SOX5: variants seen among roughly 807,000 people sequenced by gnomAD.
The protein encoded by SOX5 is transcription factor SOX-5.
SOX5 carries 9 observed loss-of-function variants against 92.0 expected under a neutral mutation model. The observed-to-expected ratio is 0.10, with a 90% CI of 0.06 to 0.17. The LOEUF is 0.17. Among genes scored for constraint, SOX5 ranks in the 10% least tolerant of loss-of-function variants. The probability of loss-of-function intolerance (pLI) is 1.00; values close to 1 mark genes in which losing one functional copy is unlikely to be tolerated. For synonymous variants in SOX5, 344 were observed against 336.3 expected (o/e 1.02, Z -0.25); for missense variants, 642 against 944.5 (o/e 0.68, Z 4.20).
At chr12:23,997,260 C>T (rs562074200) in intron 4 of SOX5, among the ~76,000 whole-genome samples, 26 of 152,276 alleles carry the variant, frequency 1.7e-4, no homozygotes, top group Non-Finnish European at 3.5e-4. Flanking sequence ...TTCTACCAGA[C>T]ATGGCAAACT....
chr12:23,704,715 T>TATATATATATATATAC (rs1434949526), intron 6 of SOX5, among the ~76,000 whole-genome samples: 19 of 108,370 alleles, frequency 1.8e-4, no homozygotes, highest in African/African-American at 5.2e-4. Context: ...TATATATATA[T>TATATATATATATATAC]ACACACACAC....
chr12:24,391,672 G>T (rs1050373810), intron 1 of SOX5, among the ~76,000 whole-genome samples: 1 of 152,044 alleles, frequency 6.6e-6, no homozygotes, highest in Non-Finnish European at 1.5e-5. Flanking sequence ...TAACAGGATG[G>T]CTCTATTAAA....
intron 6 of SOX5, among the ~76,000 whole-genome samples, chr12:23,682,172 C>G (rs1345225999): frequency 6.6e-6 from 1 of 151,728 alleles, no homozygotes; most frequent in East Asian, 1.9e-4. Context: ...AAATTGTTCA[C>G]ACACTAAGCC....
intron 4 of SOX5, among the ~76,000 whole-genome samples, chr12:24,043,193 C>G (rs1956679823): frequency 6.6e-6 from 1 of 152,116 alleles, no homozygotes; most frequent in South Asian, 2.1e-4. Flanking sequence ...TTAAAGGAAA[C>G]ATCCTGGGTT....
chr12:23,622,843 C>G (rs1364213862), intron 8 of SOX5, among the ~76,000 whole-genome samples: 2 of 151,988 alleles, frequency 1.3e-5, no homozygotes, highest in South Asian at 4.1e-4. Flanking sequence ...GTCAGAAAAT[C>G]AGAAACGAAA....
At chr12:23,733,879 T>C (rs778919323) in intron 6 of SOX5, among the ~76,000 whole-genome samples, 1 of 152,170 alleles carries the variant, frequency 6.6e-6, no homozygotes, top group Non-Finnish European at 1.5e-5. Context: ...CATAGCTCCA[T>C]GAATTAGGTT....
At chr12:24,064,499 A>G (rs1270396194) in intron 4 of SOX5, among the ~76,000 whole-genome samples, 1 of 152,352 alleles carries the variant, frequency 6.6e-6, no homozygotes. Context: ...GTTTTCAAAT[A>G]TATGAAATAT....
chr12:24,481,522 C>T (rs1025078519), intron 1 of SOX5, among the ~76,000 whole-genome samples: 8 of 152,096 alleles, frequency 5.3e-5, no homozygotes, highest in African/African-American at 1.9e-4. Flanking sequence ...ATCGAAACAT[C>T]TCATGTACCC....
At chr12:23,786,545 A>C (rs1441958509) in intron 3 of SOX5, among the ~76,000 whole-genome samples, 4 of 2,812 alleles carry the variant, frequency 1.4e-3, no homozygotes, top group Non-Finnish European at 2.5e-3. Context: ...CTCCATCTCA[A>C]AAAAAAAAAA....
intron 3 of SOX5, among the ~76,000 whole-genome samples, chr12:24,213,885 G>A (rs1282342556): frequency 6.6e-6 from 1 of 152,022 alleles, no homozygotes; most frequent in Non-Finnish European, 1.5e-5. Flanking sequence ...ATAGCCTGAA[G>A]TGATCCTAAG....
In SOX5 at chr12:23,666,127, T is replaced by C. The variant is rs542721342; in HGVS notation, c.811-563A>G. Among the ~76,000 whole-genome samples, 7 of 151,340 alleles carry C rather than the reference T, an allele frequency of 4.6e-5. 1 individual carries two copies. The South Asian group carries it at 1.5e-3, about 31-fold the overall frequency. On this transcript the variant is annotated intron_variant, in intron 6 of 14. Coordinates refer to ENST00000451604, the MANE Select transcript of SOX5 (RefSeq NM_006940.6). ...TAAAACTTTACTCTTTTTTTTTTTT[T>C]AATAGAAGAGGTAAGTAGTGCCAAA...
At chr12:23,872,241 T>C (rs1213622085) in intron 2 of SOX5, among the ~76,000 whole-genome samples, 5 of 146,622 alleles carry the variant, frequency 3.4e-5, no homozygotes, top group African/African-American at 1.3e-4. Context: ...CTCGATCTCC[T>C]GACCTCGTGA....
At chr12:24,235,991 A>G (rs767399756) in intron 3 of SOX5, among the ~76,000 whole-genome samples, 1 of 152,078 alleles carries the variant, frequency 6.6e-6, no homozygotes, top group African/African-American at 2.4e-5. Context: ...AAATCAAGAC[A>G]ATCCTGGTTA....
intron 4 of SOX5, among the ~76,000 whole-genome samples, chr12:23,754,268 A>T (rs1431036195): frequency 6.6e-6 from 1 of 151,830 alleles, no homozygotes; most frequent in East Asian, 1.9e-4. Flanking sequence ...TGGAAAAGGC[A>T]GTCTTCGCTG....
intron 1 of SOX5, among the ~76,000 whole-genome samples, chr12:24,379,252 G>A (rs1009617680): frequency 6.6e-6 from 1 of 152,198 alleles, no homozygotes; most frequent in African/African-American, 2.4e-5. Context: ...TCATGTTTGA[G>A]TGAAAGTTGG....
chr12:24,335,810 C>A (rs1436823935), intron 2 of SOX5, among the ~76,000 whole-genome samples: 1 of 151,180 alleles, frequency 6.6e-6, no homozygotes, highest in African/African-American at 2.4e-5. Context: ...CTTAAGCTCA[C>A]ATAAAAAAAA....
intron 3 of SOX5, among the ~76,000 whole-genome samples, chr12:24,216,196 A>G (rs987889084): frequency 6.6e-6 from 1 of 152,144 alleles, no homozygotes; most frequent in Admixed American, 6.5e-5. Flanking sequence ...AAGAATAAAA[A>G]ATCCCGGCCG....
At chr12:23,767,240 AC>A (rs2094765549) in intron 3 of SOX5, among the ~76,000 whole-genome samples, 1 of 141,208 alleles carries the variant, frequency 7.1e-6, no homozygotes. Context: ...ACACACACAC[AC>A]ACACACATAT....
chr12:23,699,116 TTC>T (rs1203760282), intron 6 of SOX5, among the ~76,000 whole-genome samples: 1 of 152,206 alleles, frequency 6.6e-6, no homozygotes, highest in East Asian at 1.9e-4. Flanking sequence ...GAGTTAGTTT[TTC>T]TCTCTGTCTG....
Sources: gnomAD v4.1 joint callset for allele counts (sites outside exome capture counted in the v4.1 genomes callset) on GRCh38, gnomAD v4.1.1 for gene constraint, MANE v1.5 for transcripts, NCBI Gene and HGNC (gene_info 2026-07-23, HGNC 2026-07-21) for gene names.